IGF2BP1: variants seen among roughly 807,000 people sequenced by gnomAD.
IGF2BP1 encodes the protein insulin like growth factor 2 mRNA binding protein 1.
Under a neutral mutation model 74.9 loss-of-function variants are expected in IGF2BP1, and 11 were observed. The ratio of observed to expected loss-of-function variants is 0.15; its 90% CI spans 0.09 to 0.24. The LOEUF is 0.24. IGF2BP1 is among the 10% of genes least tolerant of loss of function. The pLI, the probability that IGF2BP1 is intolerant of heterozygous loss-of-function variation, is 1.00. For synonymous variants in IGF2BP1, 287 were observed against 281.8 expected (o/e 1.02, Z -0.18); for missense variants, 440 against 757.4 (o/e 0.58, Z 4.92).
At chr17:49,026,434 G>T (rs777801293) in intron 3 of IGF2BP1, 32 bp from the exon 4 acceptor site, 1 of 1,608,584 alleles carries the variant, frequency 6.2e-7, no homozygotes, top group Non-Finnish European at 8.5e-7. Context: ...GGGACTCAGA[G>T]TTAAGTGTAC....
intron 2 of IGF2BP1, among the ~76,000 whole-genome samples, chr17:49,009,436 G>A (rs1234670468): frequency 1.3e-5 from 2 of 151,906 alleles, no homozygotes; most frequent in Admixed American, 6.6e-5. Flanking sequence ...TAGGCTGGGC[G>A]CAGTGGCTCA....
intron 2 of IGF2BP1, chr17:49,013,113 G>A (rs1397339030): frequency 1.3e-5 from 2 of 152,170 alleles, no homozygotes; most frequent in African/African-American, 4.8e-5. Flanking sequence ...CAGGTTCATA[G>A]TGTGGGCAAA....
chr17:49,044,167 C>A (rs978377167), intron 11 of IGF2BP1, 81 bp downstream of exon 11: 3 of 1,530,492 alleles, frequency 2.0e-6, no homozygotes, highest in African/African-American at 2.8e-5. Context: ...TCCCATATTC[C>A]CCCTACTCAT....
chr17:49,007,590 G>C (rs887489630), intron 2 of IGF2BP1, among the ~76,000 whole-genome samples: 13 of 152,252 alleles, frequency 8.5e-5, no homozygotes, highest in African/African-American at 3.1e-4. Flanking sequence ...TTACTATAAA[G>C]GGTTTTACAA....
chr17:49,042,066 C>A (rs2042058660), intron 8 of IGF2BP1, among the ~76,000 whole-genome samples, 176 bp from the exon 9 acceptor site: 1 of 152,208 alleles, frequency 6.6e-6, no homozygotes, highest in African/African-American at 2.4e-5. Context: ...ATCTTACCCC[C>A]TGCCCTGGTT....
Position 49,039,946 on chromosome 17 carries a change from G to A in IGF2BP1, c.684-11G>A, listed in dbSNP as rs2042032111. 1 of 1,611,960 alleles carries A rather than the reference G, an allele frequency of 6.2e-7. No homozygotes were observed. The highest frequency in any genetic ancestry group is 8.5e-7 in the Non-Finnish European group (1 of 1,179,892). ...GGGACAACTAACCAGCCTTGTCCTT[G>A]TGGCCCCCAGGATAGACGTGCATAG... is the stretch of plus-strand genomic sequence containing the variant. On this transcript the variant is annotated splice_polypyrimidine_tract_variant and intron_variant, in intron 6 of 14. Transcript: ENST00000290341.
intron 1 of IGF2BP1, among the ~76,000 whole-genome samples, chr17:48,998,901 T>A (rs527566383): frequency 6.6e-6 from 1 of 151,988 alleles, no homozygotes; most frequent in African/African-American, 2.4e-5. Context: ...AAAGCAAAAA[T>A]TAAAAAATGA....
intron 5 of IGF2BP1, among the ~76,000 whole-genome samples, chr17:49,032,668 T>A (rs1284766913): frequency 6.6e-6 from 1 of 152,196 alleles, no homozygotes; most frequent in African/African-American, 2.4e-5. Flanking sequence ...CTATGTAAAA[T>A]CCTACCTCTT....
chr17:49,040,122 G>A (rs776972626), intron 7 of IGF2BP1, 31 bp downstream of exon 7: 2 of 1,611,890 alleles, frequency 1.2e-6, no homozygotes, highest in South Asian at 2.2e-5. Flanking sequence ...GGATCTTCAG[G>A]GTCTGCTAGT....
intron 4 of IGF2BP1, 124 bp downstream of exon 4, chr17:49,026,641 C>G: frequency 1.3e-6 from 1 of 760,084 alleles, no homozygotes; most frequent in South Asian, 1.7e-5. Context: ...TCCTGCCTTC[C>G]TTCCTGCCTG....
intron 8 of IGF2BP1, among the ~76,000 whole-genome samples, chr17:49,041,937 A>G (rs1453505937): frequency 1.3e-5 from 2 of 152,202 alleles, no homozygotes; most frequent in Non-Finnish European, 2.9e-5. Context: ...CTCTTGTCCA[A>G]AAAGGTATAG....
intron 14 of IGF2BP1, among the ~76,000 whole-genome samples, chr17:49,047,746 C>G (rs1057326408): frequency 6.0e-5 from 9 of 149,544 alleles, no homozygotes; most frequent in African/African-American, 2.2e-4. Flanking sequence ...CAGGGTCTCG[C>G]TCTGCCATCC....
intron 7 of IGF2BP1, among the ~76,000 whole-genome samples, chr17:49,040,675 CA>C (rs1355628747): frequency 6.3e-4 from 96 of 152,356 alleles, no homozygotes; most frequent in African/African-American, 2.2e-3. Flanking sequence ...TCACACTGAA[CA>C]GGCTGTTCTA....
intron 2 of IGF2BP1, among the ~76,000 whole-genome samples, chr17:49,018,980 T>C (rs981922923): frequency 6.6e-6 from 1 of 152,080 alleles, no homozygotes; most frequent in African/African-American, 2.4e-5. Context: ...CCTAGGGGAA[T>C]TGGGGCCCCA....
Position 49,013,336 on chromosome 17 carries a change from C to T in IGF2BP1, c.237-12282C>T, listed in dbSNP as rs1005589221. 1.3e-5 allele frequency among the ~76,000 whole-genome samples: 2 copies of T among 152,146 alleles called. 1 individual carries two copies. The highest frequency in any genetic ancestry group is 2.9e-5 in the Non-Finnish European group (2 of 68,028). On this transcript the variant is annotated intron_variant, in intron 2 of 14. Coordinates refer to ENST00000290341, the MANE Select transcript of IGF2BP1 (RefSeq NM_006546.4). ...AGCCCGGGAGGAGAGCCTTCTTTCT[C>T]TGCGGGTTCCGAAGGCTCCTAGTTC...
chr17:49,046,030 T>C lies in IGF2BP1; in HGVS notation c.1527+9T>C, dbSNP rs747197066. On this transcript the variant is annotated intron_variant, in intron 13 of 14. Coordinates refer to ENST00000290341, the MANE Select transcript of IGF2BP1 (RefSeq NM_006546.4). ...GCAAAGGTGGAAAAACGGTGAGCTGTGAGGGCCAGGTTGAAAGCCCTGGGC... is the reference window on the plus strand; with the variant it reads ...GCAAAGGTGGAAAAACGGTGAGCTGCGAGGGCCAGGTTGAAAGCCCTGGGC... 11 of 1,613,562 alleles carry C rather than the reference T, an allele frequency of 6.8e-6. No homozygotes were observed. The East Asian group carries it at 1.8e-4, about 26-fold the overall frequency.
intron 2 of IGF2BP1, among the ~76,000 whole-genome samples, chr17:49,003,695 G>C (rs2041511038): frequency 6.6e-6 from 1 of 151,428 alleles, no homozygotes; most frequent in Admixed American, 6.6e-5. Context: ...GGGAGTGTTA[G>C]GGAGAGAAAA....
chr17:49,003,367 A>G (rs975106973), intron 2 of IGF2BP1, among the ~76,000 whole-genome samples: 8 of 152,176 alleles, frequency 5.3e-5, no homozygotes, highest in African/African-American at 1.9e-4. Context: ...TAGTCTACTG[A>G]GTATACAATT....
In IGF2BP1 at chr17:49,054,287, A is replaced by G. The variant is rs2042200904; in HGVS notation, c.*4843A>G. 6.6e-6 allele frequency: 1 copy of G among 152,632 alleles called. No individual in the cohort carries two copies. The highest frequency in any genetic ancestry group is 2.1e-4 in the South Asian group (1 of 4,832). The allele number at this position is 152,632 out of a possible 1,614,324, so 9.5% of individuals were successfully genotyped here. On this transcript the variant is annotated 3_prime_UTR_variant, in exon 15 of 15. Transcript: ENST00000290341. ...AAAGAAAAAAAATTTTTTTTCTTGA[A>G]TGAAATAGCAGGAAGCTCCTCGGGA...
Sources: allele counts gnomAD v4.1 joint callset (sites outside exome capture counted in the v4.1 genomes callset), GRCh38; gene constraint gnomAD v4.1.1; transcripts MANE v1.5; gene names NCBI Gene and HGNC (gene_info 2026-07-23, HGNC 2026-07-21).